DDX4: variants seen among roughly 807,000 people sequenced by gnomAD.
DDX4 encodes the protein probable ATP-dependent RNA helicase DDX4.
A neutral mutation model predicts 100.0 loss-of-function variants in DDX4; 25 were observed. That is an observed-to-expected ratio of 0.25 (90% CI 0.18 to 0.35). DDX4 has a LOEUF of 0.35. Among genes scored for constraint, DDX4 ranks in the 10% least tolerant of loss-of-function variants. The pLI is 1.00. For synonymous variants in DDX4, 259 were observed against 275.7 expected, an observed-to-expected ratio of 0.94 and a Z score of 0.60; for missense variants, 635 against 882.4, an observed-to-expected ratio of 0.72 and a Z score of 3.55.
chr5:55,749,352 A>G (rs1483045389), intron 3 of DDX4, among the ~76,000 whole-genome samples: 1 of 152,142 alleles, frequency 6.6e-6, no homozygotes, highest in Non-Finnish European at 1.5e-5. Context: ...GGATTGCTTG[A>G]GCCTAGAATT....
chr5:55,785,395 A>G, intron 11 of DDX4, 51 bp downstream of exon 11: 2 of 1,585,984 alleles, frequency 1.3e-6, no homozygotes, highest in Middle Eastern at 1.7e-4. Context: ...GAGTTCTTTT[A>G]CCTTTCAATT....
At chr5:55,760,319 T>C in intron 4 of DDX4, 42 bp downstream of exon 4, 2 of 1,509,154 alleles carry the variant, frequency 1.3e-6, no homozygotes, top group South Asian at 1.4e-5. Flanking sequence ...AACTGTTGAA[T>C]AATTGGATAT....
intron 7 of DDX4, among the ~76,000 whole-genome samples, chr5:55,776,311 C>T (rs1412886601): frequency 6.6e-6 from 1 of 152,106 alleles, no homozygotes; most frequent in Non-Finnish European, 1.5e-5. Context: ...GGAAGATAGA[C>T]TAAGACCTGT....
intron 17 of DDX4, among the ~76,000 whole-genome samples, chr5:55,796,548 A>G (rs1294189555): frequency 2.0e-5 from 3 of 152,134 alleles, no homozygotes; most frequent in African/African-American, 4.8e-5. Context: ...ATATCTTTCC[A>G]TCTTCATAGA....
chr5:55,781,868 C>A, intron 9 of DDX4, 66 bp from the exon 10 acceptor site: 1 of 1,549,550 alleles, frequency 6.5e-7, no homozygotes, highest in Non-Finnish European at 8.9e-7. Context: ...GAAATAACAA[C>A]ATGGTTTGTG....
At chr5:55,792,568 T>C in intron 16 of DDX4, 73 bp from the exon 17 acceptor site, 1 of 785,736 alleles carries the variant, frequency 1.3e-6, no homozygotes, top group South Asian at 4.6e-5. Context: ...ATTTTAACAG[T>C]TGGAATTGTA....
chr5:55,765,652 TA>T (rs1243589274), intron 6 of DDX4, among the ~76,000 whole-genome samples: 1 of 151,936 alleles, frequency 6.6e-6, no homozygotes, highest in Non-Finnish European at 1.5e-5. Flanking sequence ...CTGGCAATTG[TA>T]TTATCTTGAA....
intron 7 of DDX4, among the ~76,000 whole-genome samples, chr5:55,777,776 C>T (rs1741659530): frequency 6.6e-6 from 1 of 152,114 alleles, no homozygotes; most frequent in African/African-American, 2.4e-5. Flanking sequence ...TGTTCAGTAA[C>T]TCAAAGCTGA....
intron 14 of DDX4, among the ~76,000 whole-genome samples, chr5:55,786,942 G>A (rs1742284498): frequency 6.6e-6 from 1 of 152,212 alleles, no homozygotes; most frequent in Non-Finnish European, 1.5e-5. Flanking sequence ...TAAACAAAGT[G>A]ACTGAAAGTC....
intron 18 of DDX4, among the ~76,000 whole-genome samples, chr5:55,804,078 G>A (rs866756652): frequency 6.6e-6 from 1 of 151,780 alleles, no homozygotes; most frequent in Admixed American, 6.6e-5. Flanking sequence ...GCCAGTGATG[G>A]TGAGCATTTT....
intron 15 of DDX4, among the ~76,000 whole-genome samples, chr5:55,789,258 C>T (rs1029686194): frequency 6.6e-6 from 1 of 152,184 alleles, no homozygotes; most frequent in African/African-American, 2.4e-5. Flanking sequence ...TCCCTTAAAA[C>T]ATAGTTGCTT....
intron 3 of DDX4, among the ~76,000 whole-genome samples, chr5:55,753,007 C>G (rs1580520342): frequency 6.6e-6 from 1 of 151,498 alleles, no homozygotes; most frequent in Non-Finnish European, 1.5e-5. Flanking sequence ...TGTTCATGTC[C>G]TTTGCCCACT....
intron 7 of DDX4, among the ~76,000 whole-genome samples, chr5:55,771,605 G>A (rs1256604476): frequency 6.6e-6 from 1 of 152,080 alleles, no homozygotes; most frequent in Non-Finnish European, 1.5e-5. Context: ...GAATTGCTAG[G>A]TCATAGGCTA....
intron 7 of DDX4, among the ~76,000 whole-genome samples, chr5:55,774,056 CTT>C (rs907711249): frequency 6.6e-6 from 1 of 151,786 alleles, no homozygotes; most frequent in African/African-American, 2.4e-5. Context: ...ATTGGGTTGT[CTT>C]TTTATGTTCT....
At chr5:55,811,594 G>A (rs1744125407) in intron 18 of DDX4, among the ~76,000 whole-genome samples, 1 of 152,044 alleles carries the variant, frequency 6.6e-6, no homozygotes, top group South Asian at 2.1e-4. Context: ...TTTCCTTGAA[G>A]CAAAAGCAAT....
rs906645756 is a variant in DDX4 at position 55,798,563 on chromosome 5, G to A, written c.1607G>A (p.Arg536Gln). 5.6e-6 allele frequency: 9 copies of A among 1,606,574 alleles called. No individual in the cohort carries two copies. The highest frequency in any genetic ancestry group is 7.6e-6 in the Non-Finnish European group (9 of 1,176,894). The change falls in exon 18 of 22, where the codon CGA (arginine) becomes CAA (glutamine). Residue 536 changes from arginine to glutamine, a missense_variant. Coordinates refer to ENST00000505374, the MANE Select transcript of DDX4 (RefSeq NM_024415.3). ...SKREKLVEIL[R>Q]NIGDERTMVF... is the part of the protein sequence containing the mutation. ...AGAGAAAAGCTCGTTGAAATTCTGC[G>A]AAACATAGGTATCTTACGTTGATAC...
At position 55,755,514 on chromosome 5, in the gene DDX4, T is replaced by C. The variant is rs145780985; in HGVS notation, c.128-4686T>C. On this transcript the variant is annotated intron_variant, in intron 3 of 21. Transcript: ENST00000505374. Reference sequence around the variant, plus strand: ...TTACGTGACTCTTTTATTGTACTATTGGATGAAATTAGATATTTTATTTAG... The same window carrying C: ...TTACGTGACTCTTTTATTGTACTATCGGATGAAATTAGATATTTTATTTAG... Among the ~76,000 whole-genome samples the C allele has an allele frequency of 9.7e-4, 148 of 152,276 alleles. No individual in the cohort carries two copies. The Middle Eastern group carries it at 0.01, about 10-fold the overall frequency.
chr5:55,804,745 G>A (rs904305933), intron 18 of DDX4, among the ~76,000 whole-genome samples: 203 of 152,184 alleles, frequency 1.3e-3, no homozygotes, highest in African/African-American at 4.7e-3. Flanking sequence ...ATAGTTTGAA[G>A]TCAGGTAGTG....
intron 9 of DDX4, among the ~76,000 whole-genome samples, chr5:55,781,505 G>A (rs1402794025): frequency 6.6e-6 from 1 of 152,164 alleles, no homozygotes; most frequent in African/African-American, 2.4e-5. Context: ...GGCCGGGCGT[G>A]GTGGCTCATG....
Sources: allele counts gnomAD v4.1 joint callset (sites outside exome capture counted in the v4.1 genomes callset), GRCh38; gene constraint gnomAD v4.1.1; transcripts MANE v1.5; gene names NCBI Gene and HGNC (gene_info 2026-07-23, HGNC 2026-07-21).